Variants in NUP107 observed in about 807,000 individuals in gnomAD.
NUP107 encodes the protein nucleoporin 107.
NUP107 carries 101 observed loss-of-function variants against 141.0 expected under a neutral mutation model. The observed-to-expected ratio is 0.72, with a 90% CI of 0.61 to 0.84. The LOEUF (loss-of-function observed/expected upper bound fraction) is 0.84. Among genes scored for constraint, NUP107 ranks in the 40% least tolerant of loss-of-function variants. The pLI is 0.00. For missense variants in NUP107, 941 were observed against 1,102.7 expected (o/e 0.85, Z 2.08); for synonymous variants, 319 against 363.9 (o/e 0.88, Z 1.41).
chr12:68,710,384 G>A (rs922434581), intron 10 of NUP107, among the ~76,000 whole-genome samples: 1 of 152,110 alleles, frequency 6.6e-6, no homozygotes, highest in African/African-American at 2.4e-5. Flanking sequence ...CAAGCCGGGT[G>A]TGATGGCTCA....
At chr12:68,723,859 A>G (rs1314461435) in intron 17 of NUP107, among the ~76,000 whole-genome samples, 1 of 151,812 alleles carries the variant, frequency 6.6e-6, no homozygotes, top group Non-Finnish European at 1.5e-5. Context: ...TCTTTTAGCT[A>G]TTTTTCTGTG....
At chr12:68,696,192 C>T (rs954027258) in intron 5 of NUP107, among the ~76,000 whole-genome samples, 6 of 151,370 alleles carry the variant, frequency 4.0e-5, no homozygotes, top group Non-Finnish European at 7.4e-5. Flanking sequence ...AGTGAAACCT[C>T]GTCTCTACTA....
chr12:68,741,785 A>C (rs1259737405), intron 26 of NUP107, 28 bp from the exon 27 acceptor site: 4 of 1,593,330 alleles, frequency 2.5e-6, no homozygotes, highest in Admixed American at 3.5e-5. Flanking sequence ...TTAAATTGTT[A>C]AAATGATTTA....
At position 68,744,045 on chromosome 12, in the gene NUP107, C is replaced by A. The variant is rs1307335301; in HGVS notation, c.*1583C>A. The A allele has an allele frequency of 6.6e-6, 1 of 152,166 alleles. No individual in the cohort carries two copies. Among genetic ancestry groups the A allele is most frequent in the Non-Finnish European group, 1.5e-5 (1 of 68,026 alleles). 9.4% of individuals were successfully genotyped at this position (152,166 alleles called of 1,614,324 possible). A position where few individuals can be genotyped will look rare whatever the true frequency, so the allele number is the denominator to read the frequency against. ...AAGTAGTTTTGTTACTTGCAACAAA[C>A]TGTATATATAGAAACTTTGTACAAC... On this transcript the variant is annotated 3_prime_UTR_variant, in exon 28 of 28. Transcript: ENST00000229179.
chr12:68,733,039 T>TG (rs532204472), intron 23 of NUP107, among the ~76,000 whole-genome samples: 87 of 152,108 alleles, frequency 5.7e-4, no homozygotes, highest in African/African-American at 1.8e-3. Flanking sequence ...GAATTTGGGG[T>TG]GGGGGGTTGC....
At chr12:68,708,256 G>T (rs1224405397) in intron 8 of NUP107, among the ~76,000 whole-genome samples, 3 of 151,904 alleles carry the variant, frequency 2.0e-5, no homozygotes, top group African/African-American at 7.3e-5. Flanking sequence ...TAACTTATGA[G>T]GATATATATA....
Position 68,745,350 on chromosome 12 carries a change from G to A in NUP107, c.*2888G>A, listed in dbSNP as rs1177129669. ...ACAGCTGGACATTCAAGATGTTTTT[G>A]TGATTCCTTTTTTAAAAATCTCCTT... On this transcript the variant is annotated 3_prime_UTR_variant, in exon 28 of 28. Coordinates refer to ENST00000229179, the MANE Select transcript of NUP107 (RefSeq NM_020401.4). 6.6e-6 allele frequency: 1 copy of A among 152,186 alleles called. No homozygotes were observed. Among genetic ancestry groups the A allele is most frequent in the Non-Finnish European group, 1.5e-5 (1 of 68,028 alleles). The allele number at this position is 152,186 out of a possible 1,614,324, so 9.4% of individuals were successfully genotyped here. A position where few individuals can be genotyped will look rare whatever the true frequency, so the allele number is the denominator to read the frequency against.
chr12:68,724,635 C>G (rs1242083996), intron 17 of NUP107, among the ~76,000 whole-genome samples: 5 of 151,936 alleles, frequency 3.3e-5, no homozygotes, highest in Non-Finnish European at 7.4e-5. Context: ...TAAAAATTAG[C>G]CGGGTGTGGT....
At chr12:68,725,824 G>GTT (rs767142631) in intron 18 of NUP107, 28 bp downstream of exon 18, 12 of 778,546 alleles carry the variant, frequency 1.5e-5, no homozygotes, top group Admixed American at 3.2e-5. Context: ...TTTACTTTGT[G>GTT]TTTTTTGTGT....
intron 3 of NUP107, chr12:68,689,874 A>G (rs944132813): frequency 2.6e-6 from 1 of 382,058 alleles, no homozygotes; most frequent in Non-Finnish European, 4.7e-6. Flanking sequence ...GAAGTTAACT[A>G]ATATATACAA....
chr12:68,695,077 AAAAC>A (rs1402259463), intron 5 of NUP107, among the ~76,000 whole-genome samples: 7 of 152,232 alleles, frequency 4.6e-5, no homozygotes, highest in Admixed American at 1.3e-4. Context: ...TGGCTACTGA[AAAAC>A]AAACAAACCA....
At chr12:68,721,013 G>A in intron 14 of NUP107, 105 bp from the exon 15 acceptor site, 1 of 638,334 alleles carries the variant, frequency 1.6e-6, no homozygotes, top group Non-Finnish European at 2.7e-6. Flanking sequence ...ACTATCAAGT[G>A]AATAGGTTCA....
At position 68,703,460 on chromosome 12, in the gene NUP107, T is replaced by G. The variant is rs190244966; in HGVS notation, c.729+676T>G. On this transcript the variant is annotated intron_variant, in intron 8 of 27. Transcript: ENST00000229179. ...CATTATACTGAGAGTTTGTTTGTTTTTTTTTTTTGAAATGAAGTTTCACTC... is the reference window on the plus strand; with the variant it reads ...CATTATACTGAGAGTTTGTTTGTTTGTTTTTTTTGAAATGAAGTTTCACTC... Among the ~76,000 whole-genome samples, 510 of 152,248 alleles carry G rather than the reference T, an allele frequency of 3.3e-3. 4 individuals carry two copies. Among genetic ancestry groups the G allele is most frequent in the African/African-American group, 0.012 (493 of 41,542 alleles).
chr12:68,694,334 T>A (rs1875946762), intron 5 of NUP107, among the ~76,000 whole-genome samples: 1 of 152,244 alleles, frequency 6.6e-6, no homozygotes. Context: ...TGGCTCAATT[T>A]CTTAAGTAAT....
In NUP107 at chr12:68,700,930, G is replaced by A. The variant is rs184882338; in HGVS notation, c.680+77G>A. 19 of 1,392,952 alleles carry A rather than the reference G, an allele frequency of 1.4e-5. No homozygotes were observed. The East Asian group carries it at 4.4e-4, about 33-fold the overall frequency. 86.3% of individuals were successfully genotyped at this position (1,392,952 alleles called of 1,614,324 possible). A position where few individuals can be genotyped will look rare whatever the true frequency, so the allele number is the denominator to read the frequency against. On this transcript the variant is annotated intron_variant, in intron 7 of 27. Transcript: ENST00000229179. ...CAGGCAAATTAATTTAAAAGTTAGG[G>A]TAGGTCGTGCTTGGAAATAGGTTTT... is the stretch of plus-strand genomic sequence containing the variant.
intron 10 of NUP107, among the ~76,000 whole-genome samples, chr12:68,713,351 G>A (rs567629586): frequency 2.7e-5 from 4 of 148,848 alleles, no homozygotes; most frequent in African/African-American, 5.0e-5. Flanking sequence ...CTTTAGCCTC[G>A]GCAACAGAGC....
Position 68,731,101 on chromosome 12 carries a change from A to G in NUP107, c.1735-9A>G, listed in dbSNP as rs78194623. ...TATTGACATACTTTGATCTTTTTCT[A>G]TTTTTTAGCTTTTAATAAGAGAGAA... On this transcript the variant is annotated splice_polypyrimidine_tract_variant and intron_variant, in intron 20 of 27. Transcript: ENST00000229179. 2,316 of 1,544,632 alleles carry G rather than the reference A, an allele frequency of 1.5e-3. 30 individuals carry two copies. The African/African-American group carries it at 0.027, about 18-fold the overall frequency.
chr12:68,741,804 T>C lies in NUP107; in HGVS notation c.2503-9T>C. ...ATTGTTAAAATGATTTATTGATGTC[T>C]GTTTGTAGGATGCCAAAGAAGACCA... is the stretch of plus-strand genomic sequence containing the variant. On this transcript the variant is annotated splice_polypyrimidine_tract_variant and intron_variant, in intron 26 of 27. Transcript: ENST00000229179. The C allele has an allele frequency of 6.2e-7, 1 of 1,607,082 alleles. No homozygotes were observed. The highest frequency in any genetic ancestry group is 1.1e-5 in the South Asian group (1 of 90,358).
At position 68,702,743 on chromosome 12, in the gene NUP107, A is replaced by C. The variant is rs1876392402; in HGVS notation, c.688A>C (p.Ile230Leu). The C allele has an allele frequency of 1.3e-6, 2 of 1,546,522 alleles. No homozygotes were observed. The highest frequency in any genetic ancestry group is 8.7e-7 in the Non-Finnish European group (1 of 1,145,432). Residue 230 changes from isoleucine (I) to leucine (L), a missense_variant, in exon 8 of 28, where the codon ATA (isoleucine) becomes CTA (leucine). By Grantham distance (5) the Ile-to-Leu change is conservative. Coordinates refer to ENST00000229179, the MANE Select transcript of NUP107 (RefSeq NM_020401.4). ...TGTCTTATTTTTCCCCAGAGACAGA[A>C]TACAGTCTGCATTAGAAGAGGAAAG... ...RLLASLYRDR[I>L]QSALEEESVF...
Sources: allele counts gnomAD v4.1 joint callset (sites outside exome capture counted in the v4.1 genomes callset), GRCh38; gene constraint gnomAD v4.1.1; transcripts MANE v1.5; gene names NCBI Gene and HGNC (gene_info 2026-07-23, HGNC 2026-07-21).